The following COL19A1 variants were observed in gnomAD, a reference collection of about 807,000 sequenced individuals.
COL19A1 encodes collagen type XIX alpha 1 chain.
Under a neutral mutation model 190.2 loss-of-function variants are expected in COL19A1, and 159 were observed. The observed-to-expected ratio is 0.84, with a 90% CI of 0.73 to 0.95. COL19A1 has a LOEUF of 0.95. Among genes scored for constraint, COL19A1 ranks in the 40% least tolerant of loss-of-function variants. The pLI is 0.00. For missense variants in COL19A1, 1,418 were observed against 1,431.9 expected, an observed-to-expected ratio of 0.99 and a Z score of 0.16; for synonymous variants, 509 against 458.9, an observed-to-expected ratio of 1.11 and a Z score of -1.39.
At chr6:70,041,146 T>C (rs1175926499) in intron 14 of COL19A1, among the ~76,000 whole-genome samples, 2 of 152,210 alleles carry the variant, frequency 1.3e-5, no homozygotes, top group African/African-American at 2.4e-5. Flanking sequence ...CACCTTCATG[T>C]ATCTCTTGCT....
At chr6:69,869,152 C>T (rs974813299) in intron 1 of COL19A1, among the ~76,000 whole-genome samples, 1 of 152,018 alleles carries the variant, frequency 6.6e-6, no homozygotes, top group Admixed American at 6.5e-5. Flanking sequence ...AGAGATCCAG[C>T]AGGGAGGGCA....
intron 7 of COL19A1, among the ~76,000 whole-genome samples, chr6:69,934,805 A>G (rs1772996365): frequency 6.6e-6 from 1 of 152,036 alleles, no homozygotes. Context: ...AACATACTAC[A>G]TTTTATGAAT....
At chr6:69,990,482 G>A (rs1032023321) in intron 11 of COL19A1, among the ~76,000 whole-genome samples, 1 of 152,052 alleles carries the variant, frequency 6.6e-6, no homozygotes, top group Non-Finnish European at 1.5e-5. Flanking sequence ...GCACATTCTA[G>A]TTGGTTGCTG....
chr6:70,033,444 G>T (rs1328827882), intron 12 of COL19A1, among the ~76,000 whole-genome samples: 2 of 149,850 alleles, frequency 1.3e-5, no homozygotes, highest in Non-Finnish European at 3.0e-5. Flanking sequence ...GAAAAAAGAA[G>T]TTTTTTTTTT....
intron 2 of COL19A1, chr6:69,879,909 AC>A (rs1230312406): frequency 2.0e-6 from 1 of 503,960 alleles, no homozygotes; most frequent in Admixed American, 3.6e-5. Flanking sequence ...AAGTATACAT[AC>A]ATGCATGTGT....
chr6:70,023,707 T>C, intron 12 of COL19A1, 27 bp downstream of exon 12: 1 of 1,592,118 alleles, frequency 6.3e-7, no homozygotes, highest in East Asian at 2.2e-5. Context: ...TTTCTGATAC[T>C]CTGTTTACAT....
chr6:69,926,614 GA>G (rs1772414558), intron 4 of COL19A1, among the ~76,000 whole-genome samples: 1 of 152,084 alleles, frequency 6.6e-6, no homozygotes, highest in Non-Finnish European at 1.5e-5. Context: ...AAAGAATGAA[GA>G]AAAATGAACA....
chr6:70,130,082 G>T, intron 17 of COL19A1, 100 bp from the exon 18 acceptor site: 1 of 1,292,768 alleles, frequency 7.7e-7, no homozygotes, highest in Non-Finnish European at 1.1e-6. Flanking sequence ...ATAAAAAGCG[G>T]TTACAGAACT....
At chr6:70,024,028 C>T (rs1217910170) in intron 12 of COL19A1, among the ~76,000 whole-genome samples, 2 of 152,150 alleles carry the variant, frequency 1.3e-5, no homozygotes, top group African/African-American at 4.8e-5. Context: ...CAGTCCAAAT[C>T]TCCATCTAGT....
At chr6:69,949,724 C>T (rs1269021114) in intron 9 of COL19A1, among the ~76,000 whole-genome samples, 1 of 151,832 alleles carries the variant, frequency 6.6e-6, no homozygotes, top group Non-Finnish European at 1.5e-5. Context: ...GTGCATCTTC[C>T]AGAGTAACTT....
chr6:69,939,854 T>C (rs187648096), intron 9 of COL19A1, among the ~76,000 whole-genome samples: 39 of 152,272 alleles, frequency 2.6e-4, no homozygotes, highest in African/African-American at 9.1e-4. Flanking sequence ...CGGAAGGTGT[T>C]CTCACTTATC....
At chr6:70,096,743 A>G (rs1783300131) in intron 15 of COL19A1, among the ~76,000 whole-genome samples, 2 of 152,138 alleles carry the variant, frequency 1.3e-5, no homozygotes, top group Non-Finnish European at 2.9e-5. Flanking sequence ...TTAAATATGA[A>G]ATAACAGCTT....
At chr6:69,982,118 A>T (rs888631033) in intron 11 of COL19A1, among the ~76,000 whole-genome samples, 1 of 152,162 alleles carries the variant, frequency 6.6e-6, no homozygotes, top group Non-Finnish European at 1.5e-5. Flanking sequence ...GAAGATATAG[A>T]AAGAAAAAAA....
At chr6:69,924,674 A>G (rs1772235065) in intron 4 of COL19A1, among the ~76,000 whole-genome samples, 1 of 152,168 alleles carries the variant, frequency 6.6e-6, no homozygotes, top group Non-Finnish European at 1.5e-5. Flanking sequence ...CTCTTCCACA[A>G]TGGTTGAACT....
intron 11 of COL19A1, among the ~76,000 whole-genome samples, chr6:69,988,200 C>T (rs1462073576): frequency 6.6e-6 from 1 of 152,184 alleles, no homozygotes; most frequent in Non-Finnish European, 1.5e-5. Flanking sequence ...ACTGCAGCCT[C>T]ATCAGTGGTT....
intron 19 of COL19A1, among the ~76,000 whole-genome samples, chr6:70,138,973 C>T (rs1786058887): frequency 6.6e-6 from 1 of 152,104 alleles, no homozygotes; most frequent in Non-Finnish European, 1.5e-5. Flanking sequence ...CTCTTAGCTG[C>T]TTCTCTAGGT....
chr6:70,079,411 G>C (rs570372225), intron 15 of COL19A1, among the ~76,000 whole-genome samples: 35 of 152,298 alleles, frequency 2.3e-4, no homozygotes, highest in South Asian at 6.2e-4. Flanking sequence ...GTTTAAGGGT[G>C]ATAACTAAAG....
At chr6:70,194,572 C>T (rs1432967784) in intron 48 of COL19A1, among the ~76,000 whole-genome samples, 1 of 152,130 alleles carries the variant, frequency 6.6e-6, no homozygotes, top group Non-Finnish European at 1.5e-5. Flanking sequence ...AGTAAAGTGA[C>T]CACACAGGAC....
At chr6:70,008,578 T>A (rs1777777446) in intron 11 of COL19A1, among the ~76,000 whole-genome samples, 1 of 151,984 alleles carries the variant, frequency 6.6e-6, no homozygotes, top group Non-Finnish European at 1.5e-5. Context: ...TAGATTCAGA[T>A]GTCTTTAATT....
Sources: gnomAD v4.1 joint callset for allele counts (sites outside exome capture counted in the v4.1 genomes callset) on GRCh38, gnomAD v4.1.1 for gene constraint, MANE v1.5 for transcripts, NCBI Gene and HGNC (gene_info 2026-07-23, HGNC 2026-07-21) for gene names.